The following KIRREL3 variants were observed in gnomAD, a reference collection of about 807,000 sequenced individuals.
KIRREL3 encodes the protein kin of IRRE-like protein 3.
A neutral mutation model predicts 89.7 loss-of-function variants in KIRREL3; 36 were observed. The observed-to-expected ratio is 0.40, with a 90% CI of 0.31 to 0.53. The LOEUF (loss-of-function observed/expected upper bound fraction) is 0.53. Ranked by LOEUF, KIRREL3 falls within the 20% of genes least tolerant of loss-of-function variation. KIRREL3 has a pLI of 0.49. For synonymous variants in KIRREL3, 445 were observed against 441.4 expected (o/e 1.01, Z -0.10); for missense variants, 864 against 1,056.6 (o/e 0.82, Z 2.53).
intron 1 of KIRREL3, among the ~76,000 whole-genome samples, chr11:126,799,792 G>T (rs1267338959): frequency 6.6e-6 from 1 of 152,128 alleles, no homozygotes; most frequent in Non-Finnish European, 1.5e-5. Context: ...GGCTTGCCCT[G>T]AGTGATTTCT....
chr11:126,540,435 C>T (rs1409902143), intron 2 of KIRREL3, among the ~76,000 whole-genome samples: 1 of 152,236 alleles, frequency 6.6e-6, no homozygotes, highest in Admixed American at 6.5e-5. Flanking sequence ...CCTCGCACTT[C>T]TCTCCCAGGA....
At chr11:126,841,939 G>A (rs778202512) in intron 1 of KIRREL3, among the ~76,000 whole-genome samples, 8 of 152,132 alleles carry the variant, frequency 5.3e-5, no homozygotes, top group Non-Finnish European at 1.2e-4. Flanking sequence ...AAGCACAATA[G>A]CAGTCCTAGG....
rs147380673 is a variant in KIRREL3, at chr11:126,524,096, C to T, written c.283+2442G>A. Among the ~76,000 whole-genome samples the T allele has an allele frequency of 2.8e-3, 432 of 152,310 alleles. 2 individuals carry two copies. The highest frequency in any genetic ancestry group is 9.4e-3 in the African/African-American group (391 of 41,572). On this transcript the variant is annotated intron_variant, in intron 3 of 16. Transcript: ENST00000525144. ...AGTCTGGGTTCTATAGTCGAATTGC[C>T]TGGGTTCCAATGCCAGCTGGATCAC...
In KIRREL3 at chr11:126,696,568, C is replaced by A. The variant is rs1947105415; in HGVS notation, c.56-133656G>T. Among the ~76,000 whole-genome samples the A allele has an allele frequency of 6.6e-6, 1 of 152,226 alleles. No homozygotes were observed. Among genetic ancestry groups the A allele is most frequent in the African/African-American group, 2.4e-5 (1 of 41,472 alleles). On this transcript the variant is annotated intron_variant, in intron 1 of 16. Transcript: ENST00000525144. This position sits in a 1 kb window ranked among gnomAD's most constrained non-coding sequence, Gnocchi z 4.4. ...TCAGCCTCCAGGCAGGTCCTCACCT[C>A]TGCCATCCTCCACGTGATCCCCAAA...
At chr11:126,672,655 A>T (rs921654291) in intron 1 of KIRREL3, among the ~76,000 whole-genome samples, 5 of 152,214 alleles carry the variant, frequency 3.3e-5, no homozygotes, top group Admixed American at 2.6e-4. Flanking sequence ...GTATAATAAA[A>T]ATATACATAT....
chr11:126,778,047 A>C lies in KIRREL3; in HGVS notation c.56-215135T>G, dbSNP rs1289040648. On this transcript the variant is annotated intron_variant, in intron 1 of 16. Coordinates refer to ENST00000525144, the MANE Select transcript of KIRREL3 (RefSeq NM_032531.4). This position sits in a 1 kb window ranked among gnomAD's most constrained non-coding sequence, Gnocchi z 4.5. ...ATGAGAAATACATGCTCATTGTAGA[A>C]AAAAAAAAAAAAAGAAAAACTATAG... Among the ~76,000 whole-genome samples, 1 of 140,266 alleles carries C rather than the reference A, an allele frequency of 7.1e-6. No homozygotes were observed. The highest frequency in any genetic ancestry group is 2.9e-5 in the African/African-American group (1 of 34,156). The allele number at this position is 140,266 out of a possible 152,430, so 92.0% of individuals were successfully genotyped here.
chr11:126,884,346 T>C (rs1357915356), intron 1 of KIRREL3, among the ~76,000 whole-genome samples: 1 of 152,226 alleles, frequency 6.6e-6, no homozygotes, highest in Non-Finnish European at 1.5e-5. Context: ...CCCTAAGCCC[T>C]CTGTTATTTA....
chr11:126,602,153 C>T (rs1483318915), intron 1 of KIRREL3, among the ~76,000 whole-genome samples: 1 of 152,212 alleles, frequency 6.6e-6, no homozygotes, highest in Non-Finnish European at 1.5e-5. Context: ...TCAGCCCTGG[C>T]AGCGTTTCTG....
chr11:126,890,256 C>A lies in KIRREL3; in HGVS notation c.55+110199G>T, dbSNP rs1283514785. ...GAGAAAGGGTCTTCTTCCTGAGCAG[C>A]CTTCCGAGAGTGCCTCATACCTAAG... is the stretch of plus-strand genomic sequence containing the variant. On this transcript the variant is annotated intron_variant, in intron 1 of 16. Transcript: ENST00000525144. This position sits in a 1 kb window ranked among gnomAD's most constrained non-coding sequence, Gnocchi z 5.1. 2.0e-5 allele frequency among the ~76,000 whole-genome samples: 3 copies of A among 152,152 alleles called. No individual in the cohort carries two copies. In the East Asian group the frequency reaches 5.8e-4, roughly 29 times the overall value.
In KIRREL3 at chr11:126,575,843, C is replaced by T. The variant is rs1028182426; in HGVS notation, c.56-12931G>A. On this transcript the variant is annotated intron_variant, in intron 1 of 16. Coordinates refer to ENST00000525144, the MANE Select transcript of KIRREL3 (RefSeq NM_032531.4). The surrounding 1 kb of genome is among the most constrained non-coding windows in gnomAD (Gnocchi z 7.0). ...CCCCAAGAATCTCCTCTGTGTGTGGCCTTCTCCACCCCTACCCTTGCAGAT... is the reference window on the plus strand; with the variant it reads ...CCCCAAGAATCTCCTCTGTGTGTGGTCTTCTCCACCCCTACCCTTGCAGAT... 2.0e-5 allele frequency among the ~76,000 whole-genome samples: 3 copies of T among 152,142 alleles called. No individual in the cohort carries two copies. Among genetic ancestry groups the T allele is most frequent in the Non-Finnish European group, 2.9e-5 (2 of 68,024 alleles).
At position 126,983,143 on chromosome 11, in the gene KIRREL3, A is replaced by G. The variant is rs1215920480; in HGVS notation, c.55+17312T>C. 2.0e-5 allele frequency among the ~76,000 whole-genome samples: 3 copies of G among 152,108 alleles called. No individual in the cohort carries two copies. Among genetic ancestry groups the G allele is most frequent in the South Asian group, 4.1e-4 (2 of 4,822 alleles). On this transcript the variant is annotated intron_variant, in intron 1 of 16. Coordinates refer to ENST00000525144, the MANE Select transcript of KIRREL3 (RefSeq NM_032531.4). The surrounding 1 kb of genome is among the most constrained non-coding windows in gnomAD (Gnocchi z 4.9). Reference sequence around the variant, plus strand: ...CCCATAGATATACATGGGGAAGGTCATTTTTTCTAACTTATAAGTAGTGAG... The same window carrying G: ...CCCATAGATATACATGGGGAAGGTCGTTTTTTCTAACTTATAAGTAGTGAG...
chr11:126,767,904 G>A (rs2134287321), intron 1 of KIRREL3, among the ~76,000 whole-genome samples: 1 of 152,318 alleles, frequency 6.6e-6, no homozygotes, highest in South Asian at 2.1e-4. Flanking sequence ...CCAGTGCAAG[G>A]CAAGAGATAA....
chr11:126,656,233 T>G lies in KIRREL3; in HGVS notation c.56-93321A>C, dbSNP rs1945132653. ...CCGAAGTCAGAAAGATGCCTGTTGG[T>G]TCTGCCGTTCATATCTGTGAGATAT... On this transcript the variant is annotated intron_variant, in intron 1 of 16. Coordinates refer to ENST00000525144, the MANE Select transcript of KIRREL3 (RefSeq NM_032531.4). This position sits in a 1 kb window ranked among gnomAD's most constrained non-coding sequence, Gnocchi z 4.0. The G allele has an allele frequency of 2.2e-6, 1 of 454,560 alleles. No individual in the cohort carries two copies. Among genetic ancestry groups the G allele is most frequent in the Admixed American group, 2.4e-5 (1 of 42,452 alleles). 28.2% of individuals were successfully genotyped at this position (454,560 alleles called of 1,614,324 possible).
At chr11:126,849,256 G>A (rs948610266) in intron 1 of KIRREL3, among the ~76,000 whole-genome samples, 4 of 124,866 alleles carry the variant, frequency 3.2e-5, no homozygotes, top group Admixed American at 2.6e-4. Context: ...CGAATGCCAC[G>A]GCAATGTCAG....
rs1298066039 is a variant in KIRREL3, at chr11:126,858,030, A to G, written c.55+142425T>C. ...TTACCACTTTAACATGCTGGCACCCAGCCAGGTCCCCACTTACCGTGTGAA... is the reference window on the plus strand; with the variant it reads ...TTACCACTTTAACATGCTGGCACCCGGCCAGGTCCCCACTTACCGTGTGAA... On this transcript the variant is annotated intron_variant, in intron 1 of 16. Transcript: ENST00000525144. Among the ~76,000 whole-genome samples the G allele has an allele frequency of 4.6e-5, 7 of 152,208 alleles. No homozygotes were observed. The East Asian group carries it at 1.4e-3, about 29-fold the overall frequency.
rs1956467771 is a variant in KIRREL3, at chr11:126,459,137, C to T, written c.743-2683G>A. 1.3e-5 allele frequency among the ~76,000 whole-genome samples: 2 copies of T among 152,152 alleles called. No individual in the cohort carries two copies. The highest frequency in any genetic ancestry group is 1.3e-4 in the Admixed American group (2 of 15,272). ...AAGGCCAACGCTGGGACGTGAGTAC[C>T]CACCCCAAGTCTGGTTTGAGGAGGT... On this transcript the variant is annotated intron_variant, in intron 6 of 16. Coordinates refer to ENST00000525144, the MANE Select transcript of KIRREL3 (RefSeq NM_032531.4). This position sits in a 1 kb window ranked among gnomAD's most constrained non-coding sequence, Gnocchi z 4.8.
intron 7 of KIRREL3, among the ~76,000 whole-genome samples, chr11:126,453,959 GACCC>G (rs1956260582): frequency 1.3e-5 from 2 of 152,102 alleles, no homozygotes; most frequent in Non-Finnish European, 2.9e-5. Flanking sequence ...CGAAAGGGAG[GACCC>G]ACAGGCCACC....
At chr11:126,774,377 C>T (rs967138787) in intron 1 of KIRREL3, among the ~76,000 whole-genome samples, 5 of 152,058 alleles carry the variant, frequency 3.3e-5, no homozygotes, top group Admixed American at 2.6e-4. Context: ...CACACTGGTT[C>T]CCCCGTGGCA....
chr11:126,935,405 T>C (rs1173363870), intron 1 of KIRREL3: 2 of 152,102 alleles, frequency 1.3e-5, no homozygotes, highest in Non-Finnish European at 2.9e-5. Flanking sequence ...AAAATGTAGG[T>C]CCACACAAAA....
Sources: gnomAD v4.1 joint callset for allele counts (sites outside exome capture counted in the v4.1 genomes callset) on GRCh38, gnomAD v4.1.1 for gene constraint, Gnocchi (gnomAD v3.1) non-coding constraint, MANE v1.5 for transcripts, NCBI Gene and HGNC (gene_info 2026-07-23, HGNC 2026-07-21) for gene names.